Variants in NELL2 observed in about 807,000 individuals in gnomAD.
The protein encoded by NELL2 is neural EGFL like 2, also known as protein kinase C-binding protein NELL2.
Under a neutral mutation model 109.6 loss-of-function variants are expected in NELL2, and 41 were observed. That is an observed-to-expected ratio of 0.37 (90% CI 0.29 to 0.49). The LOEUF is 0.49. Ranked by LOEUF, NELL2 falls within the 20% of genes least tolerant of loss-of-function variation. The pLI, the probability that NELL2 is intolerant of heterozygous loss-of-function variation, is 0.98. For synonymous variants in NELL2, 355 were observed against 344.7 expected (o/e 1.03, Z -0.33); for missense variants, 900 against 1,008.3 (o/e 0.89, Z 1.45).
intron 9 of NELL2, among the ~76,000 whole-genome samples, chr12:44,741,710 C>T: frequency 6.6e-6 from 1 of 152,176 alleles, no homozygotes. Context: ...TCATTACTAG[C>T]ACAGCAGTCT....
intron 15 of NELL2, among the ~76,000 whole-genome samples, chr12:44,566,524 T>C (rs1433014790): frequency 1.1e-5 from 1 of 90,680 alleles, no homozygotes; most frequent in Non-Finnish European, 2.1e-5. Context: ...TAGTAGATAT[T>C]ACACATACTC....
At chr12:44,765,965 C>T (rs1165403981) in intron 9 of NELL2, among the ~76,000 whole-genome samples, 1 of 151,834 alleles carries the variant, frequency 6.6e-6, no homozygotes, top group Non-Finnish European at 1.5e-5. Flanking sequence ...ACTAAAAGTA[C>T]ATAAATTAGC....
chr12:44,814,501 A>G (rs1422766285), intron 3 of NELL2, among the ~76,000 whole-genome samples: 1 of 152,058 alleles, frequency 6.6e-6, no homozygotes, highest in Non-Finnish European at 1.5e-5. Flanking sequence ...ACATGAAGAC[A>G]AGGCCTCTCC....
chr12:44,635,617 G>A (rs1332703406), intron 13 of NELL2, among the ~76,000 whole-genome samples: 2 of 152,010 alleles, frequency 1.3e-5, no homozygotes, highest in African/African-American at 2.4e-5. Flanking sequence ...TATTTCTGAG[G>A]CCTCTGTTCT....
chr12:44,623,653 T>C (rs1946136847), intron 13 of NELL2, among the ~76,000 whole-genome samples: 1 of 152,096 alleles, frequency 6.6e-6, no homozygotes, highest in African/African-American at 2.4e-5. Flanking sequence ...GTTTAAGAGA[T>C]ACTTTAATGT....
At chr12:44,779,464 A>G (rs952457210) in intron 5 of NELL2, among the ~76,000 whole-genome samples, 199 bp downstream of exon 5, 5 of 151,930 alleles carry the variant, frequency 3.3e-5, no homozygotes, top group African/African-American at 4.9e-5. Context: ...GTAATATCTA[A>G]CAATTAAACT....
At chr12:44,699,772 C>T (rs1284278526) in intron 12 of NELL2, among the ~76,000 whole-genome samples, 1 of 152,142 alleles carries the variant, frequency 6.6e-6, no homozygotes, top group African/African-American at 2.4e-5. Context: ...ACACATCCTA[C>T]TTTCTTCTTA....
intron 13 of NELL2, among the ~76,000 whole-genome samples, chr12:44,612,156 T>C (rs1945644629): frequency 6.6e-6 from 1 of 152,034 alleles, no homozygotes; most frequent in Non-Finnish European, 1.5e-5. Context: ...ATCTGTAACT[T>C]GTAATATATC....
At chr12:44,848,029 T>TC (rs1404348008) in intron 2 of NELL2, among the ~76,000 whole-genome samples, 1 of 91,082 alleles carries the variant, frequency 1.1e-5, no homozygotes, top group African/African-American at 4.3e-5. Context: ...AAACTCTGTC[T>TC]CAAAAAAAAA....
At chr12:44,763,380 T>C (rs1941202577) in intron 9 of NELL2, among the ~76,000 whole-genome samples, 1 of 152,158 alleles carries the variant, frequency 6.6e-6, no homozygotes, top group South Asian at 2.1e-4. Context: ...GCATGATGCT[T>C]ACCCACAAAA....
intron 3 of NELL2, among the ~76,000 whole-genome samples, chr12:44,798,324 C>T (rs1276861101): frequency 1.3e-5 from 2 of 151,718 alleles, no homozygotes; most frequent in Non-Finnish European, 2.9e-5. Flanking sequence ...GCAAAATATT[C>T]TACAAATAAA....
intron 15 of NELL2, among the ~76,000 whole-genome samples, chr12:44,542,049 C>T (rs1221214307): frequency 6.6e-6 from 1 of 152,146 alleles, no homozygotes; most frequent in African/African-American, 2.4e-5. Flanking sequence ...AATTTCACAA[C>T]AACAAGGATA....
intron 2 of NELL2, among the ~76,000 whole-genome samples, chr12:44,835,412 G>T (rs1484450396): frequency 6.6e-6 from 1 of 152,176 alleles, no homozygotes; most frequent in East Asian, 1.9e-4. Flanking sequence ...GGTGCAGCAG[G>T]CTGCGGCTCA....
At chr12:44,571,880 A>C (rs1023987379) in intron 15 of NELL2, among the ~76,000 whole-genome samples, 1 of 152,216 alleles carries the variant, frequency 6.6e-6, no homozygotes, top group Non-Finnish European at 1.5e-5. Flanking sequence ...ACTCTGGATC[A>C]ATATTAACCA....
intron 3 of NELL2, among the ~76,000 whole-genome samples, chr12:44,781,353 G>T (rs1941952418): frequency 1.3e-5 from 2 of 151,758 alleles, no homozygotes; most frequent in African/African-American, 4.8e-5. Flanking sequence ...ACAAATAGAA[G>T]ATAGACTGAA....
intron 1 of NELL2, among the ~76,000 whole-genome samples, chr12:44,901,514 A>C (rs1005850699): frequency 2.4e-4 from 36 of 152,128 alleles, no homozygotes; most frequent in Admixed American, 6.6e-5. Context: ...ATTCCAAACA[A>C]CAGAAAAAGA....
chr12:44,920,766 T>G lies in NELL2; in HGVS notation c.-32+1024A>C, dbSNP rs60911814. 7.2e-3 allele frequency among the ~76,000 whole-genome samples: 1,097 copies of G among 152,296 alleles called. 13 individuals are homozygous for G. Among genetic ancestry groups the G allele is most frequent in the African/African-American group, 0.025 (1,043 of 41,568 alleles). ...TAAATTGAAGATTAAAGTTTTTATT[T>G]GCTTTTAATTAGTCTTATATTTACA... On this transcript the variant is annotated intron_variant, in intron 1 of 9. Coordinates refer to the NELL2 transcript ENST00000552993.
chr12:44,707,135 C>A (rs932600603), intron 11 of NELL2, among the ~76,000 whole-genome samples: 1 of 152,110 alleles, frequency 6.6e-6, no homozygotes, highest in Non-Finnish European at 1.5e-5. Context: ...CTACTTTCAG[C>A]CCAGATGCTT....
chr12:44,850,964 T>C (rs1164008905), intron 2 of NELL2, among the ~76,000 whole-genome samples: 1 of 152,158 alleles, frequency 6.6e-6, no homozygotes, highest in African/African-American at 2.4e-5. Flanking sequence ...ATTTTGCTCT[T>C]GGGACTAATT....
Sources: gnomAD v4.1 joint callset for allele counts (sites outside exome capture counted in the v4.1 genomes callset) on GRCh38, gnomAD v4.1.1 for gene constraint, MANE v1.5 for transcripts, NCBI Gene and HGNC (gene_info 2026-07-23, HGNC 2026-07-21) for gene names.